The following PODXL2 variants were observed in gnomAD, a reference collection of about 807,000 sequenced individuals.
PODXL2 encodes the protein podocalyxin-like protein 2.
Under a neutral mutation model 53.4 loss-of-function variants are expected in PODXL2, and 17 were observed. The ratio of observed to expected loss-of-function variants is 0.32; its 90% confidence interval spans 0.22 to 0.48. The LOEUF (loss-of-function observed/expected upper bound fraction) is 0.48, where lower values mean the gene tolerates loss of function less well. Ranked by LOEUF, PODXL2 falls within the 20% of genes least tolerant of loss-of-function variation. The probability of loss-of-function intolerance (pLI) is 0.99; values close to 1 mark genes in which losing one functional copy is unlikely to be tolerated. For synonymous variants in PODXL2, 311 were observed against 306.7 expected (o/e 1.01, Z -0.15); for missense variants, 673 against 760.0 (o/e 0.89, Z 1.35).
intron 1 of PODXL2, among the ~76,000 whole-genome samples, chr3:127,634,951 C>T (rs184562766): frequency 2.6e-5 from 4 of 152,188 alleles, no homozygotes; most frequent in Admixed American, 1.3e-4. Flanking sequence ...TTTCTTCCAG[C>T]GGTGAAGCAC....
chr3:127,672,200 C>T (rs926839912), intron 7 of PODXL2, 68 bp from the exon 8 acceptor site: 8 of 1,371,946 alleles, frequency 5.8e-6, no homozygotes, highest in South Asian at 2.5e-5. Context: ...GTTGCACAGA[C>T]GGCCGCGGGC....
chr3:127,667,028 C>T (rs1026903777), intron 4 of PODXL2, among the ~76,000 whole-genome samples: 1 of 152,230 alleles, frequency 6.6e-6, no homozygotes, highest in Non-Finnish European at 1.5e-5. Flanking sequence ...TCCTTCTCCC[C>T]CCATACTCAA....
At chr3:127,671,057 C>T (rs529815835) in intron 6 of PODXL2, among the ~76,000 whole-genome samples, 3 of 152,298 alleles carry the variant, frequency 2.0e-5, no homozygotes, top group Non-Finnish European at 2.9e-5. Context: ...GGGCTCACAT[C>T]TCCTGTCTCT....
intron 2 of PODXL2, among the ~76,000 whole-genome samples, chr3:127,655,823 C>T (rs554825472): frequency 6.6e-6 from 1 of 152,302 alleles, no homozygotes; most frequent in South Asian, 2.1e-4. Flanking sequence ...GAGCCTTTAG[C>T]ATAGAGAAAA....
In PODXL2 at chr3:127,629,614, G is replaced by A. The variant is rs904541958; in HGVS notation, c.70+325G>A. Among the ~76,000 whole-genome samples, 38 of 152,026 alleles carry A rather than the reference G, an allele frequency of 2.5e-4. No individual in the cohort carries two copies. Among genetic ancestry groups the A allele is most frequent in the Admixed American group, 4.6e-4 (7 of 15,274 alleles). ...GGGCCGGGGGGGCGCGCACGTGTGG[G>A]TGTGCATGTGTGTGCGTGTGCTTGT... On this transcript the variant is annotated intron_variant, in intron 1 of 7. Coordinates refer to ENST00000342480, the MANE Select transcript of PODXL2 (RefSeq NM_015720.4). This position sits in a 1 kb window ranked among gnomAD's most constrained non-coding sequence, Gnocchi z 6.4.
chr3:127,643,523 T>G (rs913538955), intron 2 of PODXL2, among the ~76,000 whole-genome samples: 2 of 152,102 alleles, frequency 1.3e-5, no homozygotes, highest in African/African-American at 4.8e-5. Flanking sequence ...TTACTTCTTT[T>G]AAAATGTTTT....
chr3:127,637,802 G>A (rs1451828979), intron 1 of PODXL2, among the ~76,000 whole-genome samples: 4 of 152,144 alleles, frequency 2.6e-5, no homozygotes, highest in East Asian at 3.8e-4. Flanking sequence ...TGCACAGTGT[G>A]CACAGACTCC....
At position 127,672,612 on chromosome 3, in the gene PODXL2, C is replaced by T. The variant is rs917565610; in HGVS notation, c.*132C>T. 1.8e-6 allele frequency: 1 copy of T among 554,004 alleles called. No homozygotes were observed. The highest frequency in any genetic ancestry group is 3.0e-6 in the Non-Finnish European group (1 of 336,702). The allele number at this position is 554,004 out of a possible 1,614,324, so 34.3% of individuals were successfully genotyped here. ...CGCGGCCTGGCCCTCGGCGCGGGCT[C>T]CTTCCCGCTTCCCCCGACTTCACAC... On this transcript the variant is annotated 3_prime_UTR_variant, in exon 8 of 8. Transcript: ENST00000342480.
intron 2 of PODXL2, among the ~76,000 whole-genome samples, chr3:127,643,707 C>T (rs2074635363): frequency 6.6e-6 from 1 of 152,050 alleles, no homozygotes. Context: ...AGCACAATCT[C>T]AGCTCACTGC....
At chr3:127,641,830 C>T (rs2074622692) in intron 2 of PODXL2, among the ~76,000 whole-genome samples, 1 of 151,764 alleles carries the variant, frequency 6.6e-6, no homozygotes, top group African/African-American at 2.4e-5. Flanking sequence ...TTTTTAACAA[C>T]TACGTTATAT....
At chr3:127,661,659 A>G (rs1206081477) in intron 3 of PODXL2, among the ~76,000 whole-genome samples, 1 of 150,882 alleles carries the variant, frequency 6.6e-6, no homozygotes, top group African/African-American at 2.4e-5. Flanking sequence ...CTGGTCGGGA[A>G]CTCCTGACTT....
At chr3:127,654,624 T>C (rs966540805) in intron 2 of PODXL2, among the ~76,000 whole-genome samples, 1 of 152,238 alleles carries the variant, frequency 6.6e-6, no homozygotes, top group Non-Finnish European at 1.5e-5. Flanking sequence ...CCTGCCCTTT[T>C]TCCTAGATTT....
intron 2 of PODXL2, among the ~76,000 whole-genome samples, chr3:127,652,398 C>T (rs749722737): frequency 6.6e-6 from 1 of 152,046 alleles, no homozygotes; most frequent in Non-Finnish European, 1.5e-5. Flanking sequence ...CTGGGAGGGT[C>T]GGGAGCCCAG....
chr3:127,656,617 C>A (rs2074725868), intron 2 of PODXL2, among the ~76,000 whole-genome samples: 2 of 151,126 alleles, frequency 1.3e-5, no homozygotes, highest in East Asian at 3.9e-4. Flanking sequence ...TGCCTATAGT[C>A]CCAGCTACTC....
At chr3:127,656,195 T>C (rs1403553460) in intron 2 of PODXL2, among the ~76,000 whole-genome samples, 1 of 152,254 alleles carries the variant, frequency 6.6e-6, no homozygotes, top group Non-Finnish European at 1.5e-5. Context: ...ATGCCATTGG[T>C]GTATAAGACA....
chr3:127,646,129 G>T (rs901977879), intron 2 of PODXL2, among the ~76,000 whole-genome samples: 1 of 152,160 alleles, frequency 6.6e-6, no homozygotes, highest in African/African-American at 2.4e-5. Context: ...CTATGTTAGG[G>T]GTTGTGGGTT....
intron 2 of PODXL2, among the ~76,000 whole-genome samples, chr3:127,651,299 A>G (rs962808102): frequency 2.0e-5 from 3 of 152,080 alleles, no homozygotes; most frequent in African/African-American, 7.2e-5. Flanking sequence ...GTGAATCCAG[A>G]GTTTTCACAA....
At chr3:127,667,451 G>T (rs1253958179) in intron 4 of PODXL2, among the ~76,000 whole-genome samples, 1 of 152,254 alleles carries the variant, frequency 6.6e-6, no homozygotes, top group Non-Finnish European at 1.5e-5. Flanking sequence ...TACGAGCAGG[G>T]AATGTGTGAC....
At chr3:127,638,264 AAG>A (rs1214651215) in intron 1 of PODXL2, among the ~76,000 whole-genome samples, 1 of 152,248 alleles carries the variant, frequency 6.6e-6, no homozygotes, top group Non-Finnish European at 1.5e-5. Flanking sequence ...AGAGTGAAAG[AAG>A]AGGAAAAAGG....
Sources: allele counts gnomAD v4.1 joint callset (sites outside exome capture counted in the v4.1 genomes callset), GRCh38; gene constraint gnomAD v4.1.1; non-coding constraint Gnocchi (gnomAD v3.1); transcripts MANE v1.5; gene names NCBI Gene and HGNC (gene_info 2026-07-23, HGNC 2026-07-21).